EVL: variants seen among roughly 807,000 people sequenced by gnomAD.
The protein encoded by EVL is Enah/Vasp-like, also known as ena/VASP-like protein.
A neutral mutation model predicts 59.6 loss-of-function variants in EVL; 21 were observed. The ratio of observed to expected loss-of-function variants is 0.35; its 90% CI spans 0.25 to 0.51. EVL has a LOEUF of 0.51. Ranked by LOEUF, EVL falls within the 20% of genes least tolerant of loss-of-function variation. The pLI, the probability that EVL is intolerant of heterozygous loss-of-function variation, is 0.97. For missense variants in EVL, 462 were observed against 546.6 expected, an observed-to-expected ratio of 0.85 and a Z score of 1.54; for synonymous variants, 198 against 203.5, an observed-to-expected ratio of 0.97 and a Z score of 0.23.
At chr14:100,087,527 T>G (rs2062472642) in intron 2 of EVL, among the ~76,000 whole-genome samples, 1 of 152,222 alleles carries the variant, frequency 6.6e-6, no homozygotes, top group South Asian at 2.1e-4. Flanking sequence ...GGTGGGAGAT[T>G]CTGTTGAGTC....
intron 1 of EVL, among the ~76,000 whole-genome samples, chr14:100,051,912 A>G (rs573079717): frequency 1.3e-5 from 2 of 152,222 alleles, no homozygotes; most frequent in Non-Finnish European, 2.9e-5. Flanking sequence ...AGAAAGGCAT[A>G]TCACTGACCC....
intron 1 of EVL, among the ~76,000 whole-genome samples, chr14:100,041,422 A>G (rs2061465946): frequency 6.6e-6 from 1 of 152,176 alleles, no homozygotes; most frequent in Non-Finnish European, 1.5e-5. Context: ...CCTGTGGTGC[A>G]AATATAAAAG....
chr14:99,991,430 C>T (rs1261286430), intron 1 of EVL, among the ~76,000 whole-genome samples: 1 of 152,136 alleles, frequency 6.6e-6, no homozygotes, highest in Non-Finnish European at 1.5e-5. Context: ...TCATCAGAAT[C>T]GTCTATTTTA....
chr14:100,006,103 CT>C (rs2060979558), intron 1 of EVL, among the ~76,000 whole-genome samples: 1 of 149,338 alleles, frequency 6.7e-6, no homozygotes, highest in Non-Finnish European at 1.5e-5. Context: ...TAATTTGGAA[CT>C]TTCCTGTGGA....
intron 9 of EVL, 143 bp from the exon 10 acceptor site, chr14:100,137,435 G>A (rs1338640152): frequency 1.2e-6 from 1 of 809,550 alleles, no homozygotes; most frequent in East Asian, 2.6e-5. Flanking sequence ...CCAGGTTTTG[G>A]CTTAACTCAA....
In EVL at chr14:100,131,077, A is replaced by G. The variant is rs560087764; in HGVS notation, c.839+1393A>G. On this transcript the variant is annotated intron_variant, in intron 7 of 13. Coordinates refer to ENST00000392920, the MANE Select transcript of EVL (RefSeq NM_016337.3). ...TGACGCCCCCTGTGCCTGGAGAGCT[A>G]GGTGTGGAGGAAATGGACCAAAAGT... Among the ~76,000 whole-genome samples, 10 of 152,332 alleles carry G rather than the reference A, an allele frequency of 6.6e-5. No homozygotes were observed. The East Asian group carries it at 1.7e-3, about 26-fold the overall frequency.
At chr14:100,084,598 G>GT (rs2062395115) in intron 1 of EVL, 89 bp from the exon 2 acceptor site, 1 of 1,388,098 alleles carries the variant, frequency 7.2e-7, no homozygotes, top group Admixed American at 2.1e-5. Context: ...TTTATGTCAA[G>GT]TAGCAATTGG....
At chr14:100,098,332 C>T (rs1287046158) in intron 3 of EVL, among the ~76,000 whole-genome samples, 1 of 152,084 alleles carries the variant, frequency 6.6e-6, no homozygotes, top group African/African-American at 2.4e-5. Flanking sequence ...GAGTGGGCAT[C>T]GCAGGCGGGA....
intron 12 of EVL, 103 bp from the exon 13 acceptor site, chr14:100,141,633 G>C: frequency 9.4e-7 from 1 of 1,061,836 alleles, no homozygotes; most frequent in Non-Finnish European, 1.4e-6. Context: ...TGCAACTCTG[G>C]AGAGGCCCAG....
intron 2 of EVL, among the ~76,000 whole-genome samples, chr14:100,090,160 T>C (rs2062534205): frequency 6.6e-6 from 1 of 152,130 alleles, no homozygotes; most frequent in Non-Finnish European, 1.5e-5. Context: ...CGCGGTTTTT[T>C]TGAATGAGAA....
intron 6 of EVL, 123 bp downstream of exon 6, chr14:100,128,871 C>T (rs1456478262): frequency 1.2e-6 from 1 of 823,530 alleles, no homozygotes; most frequent in South Asian, 1.7e-5. Flanking sequence ...CCAAAGCTAG[C>T]TGGCCCTTGG....
At chr14:100,027,819 C>G (rs183364821) in intron 1 of EVL, among the ~76,000 whole-genome samples, 11 of 152,134 alleles carry the variant, frequency 7.2e-5, no homozygotes, top group African/African-American at 2.7e-4. Context: ...GGATTACAGG[C>G]ATGCGCCACT....
At position 100,108,562 on chromosome 14, in the gene EVL, T is replaced by C. The variant is rs1351219979; in HGVS notation, c.358+10904T>C. Among the ~76,000 whole-genome samples, 1 of 152,112 alleles carries C rather than the reference T, an allele frequency of 6.6e-6. No individual in the cohort carries two copies. ...CCCACCCCTGTTCTCACCCCAGGGC[T>C]CCAGATGTTGTATCAGGCAGGGCCT... On this transcript the variant is annotated intron_variant, in intron 3 of 13. Coordinates refer to ENST00000392920, the MANE Select transcript of EVL (RefSeq NM_016337.3). The surrounding 1 kb of genome is among the most constrained non-coding windows in gnomAD (Gnocchi z 4.1).
intron 1 of EVL, among the ~76,000 whole-genome samples, chr14:100,033,793 T>G (rs2061348051): frequency 6.6e-6 from 1 of 152,194 alleles, no homozygotes; most frequent in South Asian, 2.1e-4. Flanking sequence ...GTTTAAAAAC[T>G]TATCCAGCAT....
At chr14:100,036,939 G>T (rs1229333996) in intron 1 of EVL, among the ~76,000 whole-genome samples, 1 of 152,190 alleles carries the variant, frequency 6.6e-6, no homozygotes, top group Non-Finnish European at 1.5e-5. Flanking sequence ...GACTGTGAGA[G>T]GAGGTGAAGA....
At chr14:100,106,746 TC>T (rs1886597234) in intron 3 of EVL, 3 of 398,046 alleles carry the variant, frequency 7.5e-6, no homozygotes, top group Non-Finnish European at 1.3e-5. Flanking sequence ...GCTGGTTCCT[TC>T]CTGCATTGCA....
At chr14:100,031,055 C>T (rs2061307419) in intron 1 of EVL, among the ~76,000 whole-genome samples, 1 of 152,142 alleles carries the variant, frequency 6.6e-6, no homozygotes, top group Non-Finnish European at 1.5e-5. Context: ...ACAATTGTAG[C>T]TATGATGTGA....
At chr14:100,101,036 A>G (rs997854843) in intron 3 of EVL, among the ~76,000 whole-genome samples, 1 of 152,058 alleles carries the variant, frequency 6.6e-6, no homozygotes, top group Admixed American at 6.6e-5. Context: ...TTCCTTGGGC[A>G]TGTTTCTGTG....
At chr14:100,064,433 A>G (rs768914448), upstream of EVL, among the ~76,000 whole-genome samples, 3 of 152,262 alleles carry the variant, frequency 2.0e-5, no homozygotes, top group Admixed American at 2.0e-4. Flanking sequence ...GGAGATAGGC[A>G]AAATAAGTAT....
Sources: allele counts gnomAD v4.1 joint callset (sites outside exome capture counted in the v4.1 genomes callset), GRCh38; gene constraint gnomAD v4.1.1; non-coding constraint Gnocchi (gnomAD v3.1); transcripts MANE v1.5; gene names NCBI Gene and HGNC (gene_info 2026-07-23, HGNC 2026-07-21).